NKAIN2: variants seen among roughly 807,000 people sequenced by gnomAD.
NKAIN2 encodes the protein sodium/potassium-transporting ATPase subunit beta-1-interacting protein 2.
A neutral mutation model predicts 32.6 loss-of-function variants in NKAIN2; 14 were observed. That is an observed-to-expected ratio of 0.43 (90% CI 0.28 to 0.67). The LOEUF is 0.67. Among genes scored for constraint, NKAIN2 ranks in the 30% least tolerant of loss-of-function variants. The pLI is 0.17. For missense variants in NKAIN2, 198 were observed against 258.3 expected (o/e 0.77, Z 1.60); for synonymous variants, 80 against 87.2 (o/e 0.92, Z 0.46).
intron 1 of NKAIN2, among the ~76,000 whole-genome samples, chr6:124,009,945 G>A (rs879572892): frequency 5.3e-5 from 8 of 152,092 alleles, no homozygotes; most frequent in Non-Finnish European, 1.2e-4. Context: ...GTATATATGT[G>A]TGTGTGTGTA....
At chr6:124,173,668 T>C (rs1789009811) in intron 1 of NKAIN2, among the ~76,000 whole-genome samples, 1 of 152,178 alleles carries the variant, frequency 6.6e-6, no homozygotes, top group South Asian at 2.1e-4. Context: ...GACTTTATGA[T>C]ACCTATATCA....
At chr6:124,383,771 T>C (rs1772757030) in intron 3 of NKAIN2, among the ~76,000 whole-genome samples, 1 of 152,140 alleles carries the variant, frequency 6.6e-6, no homozygotes, top group South Asian at 2.1e-4. Context: ...AGGAAAAGCT[T>C]GGACAATCAG....
At chr6:124,706,297 G>T (rs1288656798) in intron 4 of NKAIN2, among the ~76,000 whole-genome samples, 1 of 152,068 alleles carries the variant, frequency 6.6e-6, no homozygotes, top group Non-Finnish European at 1.5e-5. Context: ...TCTTACAGAT[G>T]AAGAAATGAG....
At chr6:124,654,183 T>C (rs959835170) in intron 3 of NKAIN2, among the ~76,000 whole-genome samples, 1 of 152,076 alleles carries the variant, frequency 6.6e-6, no homozygotes, top group Non-Finnish European at 1.5e-5. Context: ...GAAACAGTTA[T>C]AAAAAATGAA....
At position 124,230,584 on chromosome 6, in the gene NKAIN2, A is replaced by T. The variant is rs114212074; in HGVS notation, c.55-52421A>T. Among the ~76,000 whole-genome samples the T allele has an allele frequency of 2.6e-5, 4 of 152,244 alleles. No homozygotes were observed. In the South Asian group the frequency reaches 6.2e-4, roughly 24 times the overall value. ...TTCATGGGATGGGCCCAGGGTCCCAATGCTGTTTGCAGTCTAGGGACTTGG... is the reference window on the plus strand; with the variant it reads ...TTCATGGGATGGGCCCAGGGTCCCATTGCTGTTTGCAGTCTAGGGACTTGG... On this transcript the variant is annotated intron_variant, in intron 1 of 6. Coordinates refer to ENST00000368417, the MANE Select transcript of NKAIN2 (RefSeq NM_001040214.3).
At chr6:124,688,966 A>T (rs1774130687) in intron 4 of NKAIN2, among the ~76,000 whole-genome samples, 2 of 152,132 alleles carry the variant, frequency 1.3e-5, no homozygotes, top group Admixed American at 6.6e-5. Context: ...TGTGGATTTA[A>T]GTTTTCAACT....
chr6:124,810,464 C>G (rs1461629782), intron 5 of NKAIN2, among the ~76,000 whole-genome samples: 1 of 151,862 alleles, frequency 6.6e-6, no homozygotes, highest in Non-Finnish European at 1.5e-5. Context: ...AGGGGAACAT[C>G]ACACTCTGAG....
chr6:124,114,191 G>A (rs1264545935), intron 1 of NKAIN2, among the ~76,000 whole-genome samples: 3 of 152,102 alleles, frequency 2.0e-5, no homozygotes, highest in Admixed American at 6.6e-5. Context: ...GTAGTGCTAT[G>A]TGTGAAGTAA....
chr6:124,419,673 A>G (rs924021362), intron 3 of NKAIN2, among the ~76,000 whole-genome samples: 1 of 152,172 alleles, frequency 6.6e-6, no homozygotes, highest in Non-Finnish European at 1.5e-5. Flanking sequence ...ACAATAGAAG[A>G]CATAAGATAA....
At chr6:123,952,015 C>G (rs1777350330) in intron 1 of NKAIN2, among the ~76,000 whole-genome samples, 1 of 151,722 alleles carries the variant, frequency 6.6e-6, no homozygotes, top group Admixed American at 6.6e-5. Context: ...TCTGTGTTTT[C>G]ATGATGGTAC....
At chr6:124,697,689 T>C (rs535041268) in intron 4 of NKAIN2, among the ~76,000 whole-genome samples, 2 of 152,332 alleles carry the variant, frequency 1.3e-5, no homozygotes, top group Middle Eastern at 3.4e-3. Flanking sequence ...GTCTATATTG[T>C]TTCTGTTTCA....
Position 124,213,564 on chromosome 6 carries a change from A to T in NKAIN2, c.55-69441A>T, listed in dbSNP as rs1397930666. 2.0e-5 allele frequency among the ~76,000 whole-genome samples: 3 copies of T among 152,080 alleles called. No homozygotes were observed. The East Asian group carries it at 5.8e-4, about 29-fold the overall frequency. ...GAAGAGTTTAGATAAGTTATAACAG[A>T]TTGTCAGAGGGAGAAATCTTCAAAT... On this transcript the variant is annotated intron_variant, in intron 1 of 6. Transcript: ENST00000368417.
intron 1 of NKAIN2, among the ~76,000 whole-genome samples, chr6:124,276,109 G>C (rs1461979013): frequency 6.6e-6 from 1 of 151,560 alleles, no homozygotes; most frequent in South Asian, 2.1e-4. Context: ...GTCTCTTTTT[G>C]GTGGTGTTTC....
intron 4 of NKAIN2, among the ~76,000 whole-genome samples, chr6:124,753,213 C>G (rs867097615): frequency 1.3e-5 from 2 of 152,104 alleles, no homozygotes; most frequent in Non-Finnish European, 2.9e-5. Context: ...ATGTAAAAGT[C>G]TCTAATCCTC....
intron 1 of NKAIN2, among the ~76,000 whole-genome samples, chr6:124,271,286 G>A (rs987320659): frequency 2.0e-5 from 3 of 151,928 alleles, no homozygotes; most frequent in East Asian, 1.9e-4. Context: ...GCACGATCTC[G>A]GCTCACTGCA....
At chr6:124,596,828 G>T (rs1006640969) in intron 3 of NKAIN2, among the ~76,000 whole-genome samples, 2 of 152,046 alleles carry the variant, frequency 1.3e-5, no homozygotes, top group Middle Eastern at 3.2e-3. Context: ...GGTTATAGAG[G>T]CTGACAAGTC....
chr6:124,707,807 T>C (rs1475377683), intron 4 of NKAIN2, among the ~76,000 whole-genome samples: 2 of 152,122 alleles, frequency 1.3e-5, no homozygotes, highest in East Asian at 3.9e-4. Flanking sequence ...TTCACTCTGA[T>C]GGTAGTTTCT....
intron 1 of NKAIN2, among the ~76,000 whole-genome samples, chr6:123,819,676 G>T (rs553269575): frequency 2.6e-5 from 4 of 152,264 alleles, no homozygotes; most frequent in Admixed American, 2.6e-4. Context: ...ACATGCCCTT[G>T]GAGATGCCCC....
chr6:124,576,605 A>G (rs1383997678), intron 3 of NKAIN2, among the ~76,000 whole-genome samples: 5 of 152,158 alleles, frequency 3.3e-5, no homozygotes, highest in Non-Finnish European at 1.5e-5. Context: ...GTGAACCAAT[A>G]TTTTCCAAAT....
Sources: gnomAD v4.1 joint callset for allele counts (sites outside exome capture counted in the v4.1 genomes callset) on GRCh38, gnomAD v4.1.1 for gene constraint, MANE v1.5 for transcripts, NCBI Gene and HGNC (gene_info 2026-07-23, HGNC 2026-07-21) for gene names.